LCLAT1: variants seen among roughly 807,000 people sequenced by gnomAD.
LCLAT1 encodes lysocardiolipin acyltransferase 1.
Under a neutral mutation model 30.7 loss-of-function variants are expected in LCLAT1, and 11 were observed. The ratio of observed to expected loss-of-function variants is 0.36; its 90% confidence interval spans 0.23 to 0.59. The LOEUF (loss-of-function observed/expected upper bound fraction) is 0.59. LCLAT1 is among the 20% of genes least tolerant of loss of function. LCLAT1 has a pLI of 0.77. For synonymous variants in LCLAT1, 155 were observed against 151.3 expected, an observed-to-expected ratio of 1.02 and a Z score of -0.18; for missense variants, 402 against 458.6, an observed-to-expected ratio of 0.88 and a Z score of 1.13.
chr2:30,543,471 G>A (rs958659342), intron 3 of LCLAT1, among the ~76,000 whole-genome samples: 3 of 152,000 alleles, frequency 2.0e-5, no homozygotes, highest in South Asian at 2.1e-4. Context: ...CTCTCCTTGC[G>A]TGTTTTCTGT....
chr2:30,594,371 A>G (rs1343972484), intron 5 of LCLAT1, among the ~76,000 whole-genome samples: 1 of 152,108 alleles, frequency 6.6e-6, no homozygotes, highest in East Asian at 1.9e-4. Flanking sequence ...CCCACCACCT[A>G]GAGTCTCCTC....
chr2:30,471,202 G>A (rs549161946), intron 1 of LCLAT1, among the ~76,000 whole-genome samples: 179 of 150,498 alleles, frequency 1.2e-3, no homozygotes, highest in African/African-American at 4.1e-3. Flanking sequence ...ATGAGCCACT[G>A]CACCCGGCCT....
chr2:30,622,211 T>G (rs1021050161), intron 5 of LCLAT1, among the ~76,000 whole-genome samples: 5 of 152,052 alleles, frequency 3.3e-5, no homozygotes, highest in Non-Finnish European at 7.4e-5. Context: ...TCCATTGGCC[T>G]GAGAACCACA....
chr2:30,603,155 T>C (rs1667271848), intron 5 of LCLAT1, among the ~76,000 whole-genome samples: 1 of 152,132 alleles, frequency 6.6e-6, no homozygotes, highest in Non-Finnish European at 1.5e-5. Context: ...AAATTTAAAA[T>C]ATGTGTGGCA....
chr2:30,607,604 C>T (rs1372500831), intron 5 of LCLAT1: 1 of 152,060 alleles, frequency 6.6e-6, no homozygotes, highest in Admixed American at 6.6e-5. Flanking sequence ...GACTATGTTA[C>T]TGATTTACAT....
rs763130518 is a variant in LCLAT1 at position 30,617,770 on chromosome 2, CTTAT to C, written c.629-22344_629-22341del. On this transcript the variant is annotated intron_variant, in intron 5 of 5. Coordinates refer to ENST00000379509, the MANE Select transcript of LCLAT1 (RefSeq NM_001002257.3). Reference sequence around the variant, plus strand: ...GTTAATTTAAGCATCTTTTCCTGGGCTTATTTGTCTTTCATATACCTTCACTGGT... The same window carrying C: ...GTTAATTTAAGCATCTTTTCCTGGGCTTGTCTTTCATATACCTTCACTGGT... Among the ~76,000 whole-genome samples, 22 of 152,086 alleles carry C rather than the reference CTTAT, an allele frequency of 1.4e-4. 1 individual carries two copies. Among genetic ancestry groups the C allele is most frequent in the Admixed American group, 7.9e-4 (12 of 15,248 alleles).
At chr2:30,617,405 A>G (rs1668043824) in intron 5 of LCLAT1, among the ~76,000 whole-genome samples, 1 of 152,208 alleles carries the variant, frequency 6.6e-6, no homozygotes, top group South Asian at 2.1e-4. Context: ...ATTGTGTGGA[A>G]TATGCCACAA....
chr2:30,450,111 G>T (rs1681471792), intron 1 of LCLAT1, among the ~76,000 whole-genome samples: 1 of 152,182 alleles, frequency 6.6e-6, no homozygotes, highest in Non-Finnish European at 1.5e-5. Context: ...AGGTCCAGAA[G>T]TTTGTAGACA....
chr2:30,501,622 C>T (rs1329144940), intron 1 of LCLAT1, among the ~76,000 whole-genome samples: 3 of 152,032 alleles, frequency 2.0e-5, no homozygotes, highest in Admixed American at 6.5e-5. Context: ...TTGCAGTGAG[C>T]CGAGATCATA....
At chr2:30,502,611 AAATAAT>A (rs1238868901) in intron 1 of LCLAT1, among the ~76,000 whole-genome samples, 1 of 152,182 alleles carries the variant, frequency 6.6e-6, no homozygotes, top group Non-Finnish European at 1.5e-5. Flanking sequence ...CATGTGAATG[AAATAAT>A]ATACCATGTG....
At chr2:30,475,159 G>T (rs746344967) in intron 1 of LCLAT1, among the ~76,000 whole-genome samples, 64 of 151,272 alleles carry the variant, frequency 4.2e-4, no homozygotes, top group Non-Finnish European at 7.7e-4. Flanking sequence ...CACCACCACT[G>T]GTTAATAAAT....
chr2:30,551,620 A>C (rs528757576), intron 3 of LCLAT1, among the ~76,000 whole-genome samples: 1 of 152,196 alleles, frequency 6.6e-6, no homozygotes, highest in African/African-American at 2.4e-5. Flanking sequence ...TGTGGGTTCT[A>C]CTGGGCTGAA....
intron 1 of LCLAT1, chr2:30,459,617 A>T (rs1462889859): frequency 1.7e-5 from 27 of 1,611,948 alleles, no homozygotes; most frequent in Non-Finnish European, 2.3e-5. Context: ...TGATATATGC[A>T]TTCCAGGGGA....
At chr2:30,640,054 A>G in intron 5 of LCLAT1, 63 bp from the exon 6 acceptor site, 1 of 1,351,120 alleles carries the variant, frequency 7.4e-7, no homozygotes. Flanking sequence ...CTGCAGTGTG[A>G]ATCAGCATTA....
intron 5 of LCLAT1, among the ~76,000 whole-genome samples, chr2:30,571,004 C>A (rs147988195): frequency 6.6e-6 from 1 of 152,216 alleles, no homozygotes; most frequent in African/African-American, 2.4e-5. Flanking sequence ...CACAAAGGGG[C>A]CCAGCCTGGC....
intron 1 of LCLAT1, among the ~76,000 whole-genome samples, chr2:30,471,326 C>T (rs1682776420): frequency 6.6e-6 from 1 of 152,190 alleles, no homozygotes; most frequent in South Asian, 2.1e-4. Context: ...TCTTCTGCCT[C>T]AGCCTCCTGA....
At chr2:30,590,141 A>G (rs1666626193) in intron 5 of LCLAT1, among the ~76,000 whole-genome samples, 1 of 152,106 alleles carries the variant, frequency 6.6e-6, no homozygotes, top group Non-Finnish European at 1.5e-5. Flanking sequence ...AGAATCTGTT[A>G]TGTCCATAAG....
chr2:30,514,619 T>G (rs1234668415), intron 1 of LCLAT1, among the ~76,000 whole-genome samples: 1 of 152,202 alleles, frequency 6.6e-6, no homozygotes, highest in East Asian at 1.9e-4. Flanking sequence ...TCTGTGTTAG[T>G]AGAGGCCCCA....
At chr2:30,554,552 C>T (rs1417321549) in intron 3 of LCLAT1, among the ~76,000 whole-genome samples, 1 of 152,154 alleles carries the variant, frequency 6.6e-6, no homozygotes, top group Non-Finnish European at 1.5e-5. Flanking sequence ...TCAGTTTCCT[C>T]ATCCATAAAA....
Sources: allele counts gnomAD v4.1 joint callset (sites outside exome capture counted in the v4.1 genomes callset), GRCh38; gene constraint gnomAD v4.1.1; transcripts MANE v1.5; gene names NCBI Gene and HGNC (gene_info 2026-07-23, HGNC 2026-07-21).